The following PKIA variants were observed in gnomAD, a reference collection of about 807,000 sequenced individuals.
The protein encoded by PKIA is cAMP-dependent protein kinase inhibitor alpha, also known as PKI-alpha.
In PKIA, 4 loss-of-function variants were observed where a neutral mutation model predicts 7.6. The observed-to-expected ratio is 0.52, with a 90% CI of 0.26 to 1.20. The LOEUF is 1.20. PKIA is among the 50% of genes most tolerant of loss of function. The pLI, the probability that PKIA is intolerant of heterozygous loss-of-function variation, is 0.13. For synonymous variants in PKIA, 21 were observed against 30.7 expected (o/e 0.68, Z 1.04); for missense variants, 73 against 86.2 (o/e 0.85, Z 0.61).
rs112322925 is a variant in PKIA at position 78,604,323 on chromosome 8, A to G, written c.*2502A>G. 31 of 152,040 alleles carry G rather than the reference A, an allele frequency of 2.0e-4. No individual in the cohort carries two copies. Among genetic ancestry groups the G allele is most frequent in the African/African-American group, 6.5e-4 (27 of 41,442 alleles). The allele number at this position is 152,040 out of a possible 1,614,324, so 9.4% of individuals were successfully genotyped here. A position where few individuals can be genotyped will look rare whatever the true frequency, so the allele number is the denominator to read the frequency against. On this transcript the variant is annotated 3_prime_UTR_variant, in exon 4 of 4. Transcript: ENST00000396418. Reference sequence around the variant, plus strand: ...ACAGATTAAAATATAAGCACTCAATAAAATATAACCTTTAGAAGCTTAAAA... The same window carrying G: ...ACAGATTAAAATATAAGCACTCAATGAAATATAACCTTTAGAAGCTTAAAA...
chr8:78,567,470 C>G (rs1223446331), intron 1 of PKIA, among the ~76,000 whole-genome samples: 2 of 151,964 alleles, frequency 1.3e-5, no homozygotes, highest in Non-Finnish European at 2.9e-5. Flanking sequence ...GTGTCTTATG[C>G]TTTTCTCAAG....
At chr8:78,560,362 G>T (rs1177310803) in intron 1 of PKIA, among the ~76,000 whole-genome samples, 1 of 152,102 alleles carries the variant, frequency 6.6e-6, no homozygotes, top group Non-Finnish European at 1.5e-5. Context: ...CAGAACAAAT[G>T]ACAGTAACAT....
At chr8:78,587,368 C>T (rs1807971930) in intron 2 of PKIA, among the ~76,000 whole-genome samples, 1 of 152,184 alleles carries the variant, frequency 6.6e-6, no homozygotes, top group Admixed American at 6.5e-5. Context: ...CCCTGGTCCC[C>T]TCTCTGACGT....
intron 1 of PKIA, chr8:78,536,054 C>CT (rs1806513685): frequency 6.6e-6 from 1 of 152,014 alleles, no homozygotes; most frequent in Admixed American, 6.6e-5. Flanking sequence ...CCCTCTGCAT[C>CT]AGTCTAAGTT....
chr8:78,547,020 T>C (rs1806840175), intron 1 of PKIA, among the ~76,000 whole-genome samples: 2 of 152,178 alleles, frequency 1.3e-5, no homozygotes, highest in Admixed American at 6.5e-5. Context: ...TCTTACTGTC[T>C]AGTTAGTCAT....
At chr8:78,550,619 C>CT (rs1806958586) in intron 1 of PKIA, among the ~76,000 whole-genome samples, 1 of 151,938 alleles carries the variant, frequency 6.6e-6, no homozygotes. Context: ...CCCTGATCAC[C>CT]CATCCTCCCT....
chr8:78,559,169 G>C (rs545927170), intron 1 of PKIA, among the ~76,000 whole-genome samples: 61 of 152,212 alleles, frequency 4.0e-4, no homozygotes, highest in African/African-American at 1.3e-3. Context: ...TGATCCACCC[G>C]CCTCGGCCTC....
At chr8:78,540,785 T>C (rs1045647805) in intron 1 of PKIA, among the ~76,000 whole-genome samples, 2 of 151,996 alleles carry the variant, frequency 1.3e-5, no homozygotes, top group African/African-American at 4.8e-5. Flanking sequence ...TGATTCCATC[T>C]ACAAAAATCT....
chr8:78,595,571 C>G lies in PKIA; in HGVS notation c.-27-2787C>G, dbSNP rs1039226950. ...CATAGTACCCTATAGTTTTTTGATC[C>G]TCACCCTCCTCCCACCTTCCATCCT... On this transcript the variant is annotated intron_variant, in intron 2 of 3. Coordinates refer to ENST00000396418, the MANE Select transcript of PKIA (RefSeq NM_006823.4). Among the ~76,000 whole-genome samples, 2 of 151,958 alleles carry G rather than the reference C, an allele frequency of 1.3e-5. 1 individual carries two copies. Among genetic ancestry groups the G allele is most frequent in the Non-Finnish European group, 2.9e-5 (2 of 67,962 alleles).
intron 2 of PKIA, among the ~76,000 whole-genome samples, chr8:78,588,535 A>T (rs1415324302): frequency 6.6e-6 from 1 of 152,126 alleles, no homozygotes; most frequent in East Asian, 1.9e-4. Context: ...GCTAAATACA[A>T]TTTGATATGG....
intron 2 of PKIA, among the ~76,000 whole-genome samples, chr8:78,575,307 A>G (rs1807646568): frequency 6.6e-6 from 1 of 151,898 alleles, no homozygotes; most frequent in Non-Finnish European, 1.5e-5. Context: ...TCTTGGTTTC[A>G]TATTAACATT....
chr8:78,545,005 G>A (rs1284904900), intron 1 of PKIA, among the ~76,000 whole-genome samples: 2 of 151,628 alleles, frequency 1.3e-5, no homozygotes, highest in East Asian at 3.9e-4. Context: ...TCTCCCAAAC[G>A]GTAATATATG....
chr8:78,591,909 A>G (rs557058084), intron 2 of PKIA, among the ~76,000 whole-genome samples: 41 of 152,182 alleles, frequency 2.7e-4, no homozygotes, highest in Non-Finnish European at 4.9e-4. Context: ...TTGCTGGTCT[A>G]CTAAACTTCC....
rs910584163 is a variant in PKIA at position 78,604,877 on chromosome 8, T to A, written c.*3056T>A. ...TAAATAACAGACATTGAAATCCAATTCTTAGATAATACTCCCAGAACAGCC... is the reference window on the plus strand; with the variant it reads ...TAAATAACAGACATTGAAATCCAATACTTAGATAATACTCCCAGAACAGCC... On this transcript the variant is annotated 3_prime_UTR_variant, in exon 4 of 4. Transcript: ENST00000396418. 2 of 152,034 alleles carry A rather than the reference T, an allele frequency of 1.3e-5. No individual in the cohort carries two copies. Among genetic ancestry groups the A allele is most frequent in the African/African-American group, 4.8e-5 (2 of 41,416 alleles). The allele number at this position is 152,034 out of a possible 1,614,324, so 9.4% of individuals were successfully genotyped here.
At chr8:78,522,228 G>T (rs1809429885) in intron 1 of PKIA, among the ~76,000 whole-genome samples, 1 of 151,832 alleles carries the variant, frequency 6.6e-6, no homozygotes, top group African/African-American at 2.4e-5. Context: ...CACTATGAAG[G>T]TGCCATAATT....
chr8:78,562,943 GA>G (rs945792739), intron 1 of PKIA, among the ~76,000 whole-genome samples: 1 of 151,928 alleles, frequency 6.6e-6, no homozygotes. Flanking sequence ...GAGACACTAT[GA>G]AAAAAATATT....
In PKIA at chr8:78,603,061, G is replaced by C. The variant is rs1219116798; in HGVS notation, c.*1240G>C. ...TCTGATACAATAATGATTATCATTA[G>C]AAGCTAACAAAATTCTCATTAATAC... On this transcript the variant is annotated 3_prime_UTR_variant, in exon 4 of 4. Transcript: ENST00000396418. The C allele has an allele frequency of 1.3e-5, 2 of 152,320 alleles. No individual in the cohort carries two copies. Among genetic ancestry groups the C allele is most frequent in the Non-Finnish European group, 2.9e-5 (2 of 67,952 alleles). 9.4% of individuals were successfully genotyped at this position (152,320 alleles called of 1,614,324 possible). A position where few individuals can be genotyped will look rare whatever the true frequency, so the allele number is the denominator to read the frequency against.
intron 1 of PKIA, among the ~76,000 whole-genome samples, chr8:78,547,329 T>C (rs750945191): frequency 6.6e-6 from 1 of 152,024 alleles, no homozygotes; most frequent in East Asian, 1.9e-4. Flanking sequence ...GGTCTTGATC[T>C]CTTGACCTCG....
chr8:78,559,038 C>T (rs1807219948), intron 1 of PKIA, among the ~76,000 whole-genome samples: 1 of 152,186 alleles, frequency 6.6e-6, no homozygotes, highest in South Asian at 2.1e-4. Context: ...TCTCCTGCCT[C>T]AGCCTCCCGA....
Sources: allele counts gnomAD v4.1 joint callset (sites outside exome capture counted in the v4.1 genomes callset), GRCh38; gene constraint gnomAD v4.1.1; transcripts MANE v1.5; gene names NCBI Gene and HGNC (gene_info 2026-07-23, HGNC 2026-07-21).